AXDND1: variants seen among roughly 807,000 people sequenced by gnomAD.
The protein encoded by AXDND1 is axonemal dynein light chain domain-containing protein 1.
Under a neutral mutation model 137.5 loss-of-function variants are expected in AXDND1, and 110 were observed. The ratio of observed to expected loss-of-function variants is 0.80; its 90% confidence interval spans 0.69 to 0.94. AXDND1 has a LOEUF of 0.94. Ranked by LOEUF, AXDND1 falls within the 40% of genes least tolerant of loss-of-function variation. AXDND1 has a pLI of 0.00. For synonymous variants in AXDND1, 414 were observed against 399.7 expected, an observed-to-expected ratio of 1.04 and a Z score of -0.43; for missense variants, 1,191 against 1,169.8, an observed-to-expected ratio of 1.02 and a Z score of -0.26.
chr1:179,448,824 G>T (rs568067217), intron 16 of AXDND1: 1 of 160,802 alleles, frequency 6.2e-6, no homozygotes, highest in Non-Finnish European at 1.4e-5. Context: ...GAAGATTTAC[G>T]TTTAGTTCTT....
At chr1:179,391,541 A>T (rs1571610813) in intron 9 of AXDND1, among the ~76,000 whole-genome samples, 1 of 113,676 alleles carries the variant, frequency 8.8e-6, no homozygotes, top group African/African-American at 3.3e-5. Context: ...TTACTTATTT[A>T]TTTATTTATT....
At chr1:179,518,461 T>G (rs2125667404) in intron 21 of AXDND1, among the ~76,000 whole-genome samples, 1 of 151,380 alleles carries the variant, frequency 6.6e-6, no homozygotes, top group Non-Finnish European at 1.5e-5. Flanking sequence ...GTCATGGAGG[T>G]TTGTTGTACA....
At chr1:179,467,069 A>G (rs1407153989) in intron 16 of AXDND1, among the ~76,000 whole-genome samples, 1 of 152,196 alleles carries the variant, frequency 6.6e-6, no homozygotes, top group Non-Finnish European at 1.5e-5. Context: ...CCCTGAGTAG[A>G]GTGACTTAAT....
At position 179,483,057 on chromosome 1, in the gene AXDND1, C is replaced by A. The variant is rs1190395564; in HGVS notation, c.1998-71C>A. ...AATACCCAGCCAAATAAAACTCTTT[C>A]TCATAGCTGATAGTTACATTTATCC... On this transcript the variant is annotated intron_variant, in intron 17 of 25. Transcript: ENST00000367618. 7 of 1,035,528 alleles carry A rather than the reference C, an allele frequency of 6.8e-6. No individual in the cohort carries two copies. In the Admixed American group the frequency reaches 7.3e-5, roughly 11 times the overall value. 64.1% of individuals were successfully genotyped at this position (1,035,528 alleles called of 1,614,324 possible).
rs72719299 is a variant in AXDND1 at position 179,469,551 on chromosome 1, G to A, written c.1997+910G>A. Among the ~76,000 whole-genome samples, 481 of 152,234 alleles carry A rather than the reference G, an allele frequency of 3.2e-3. 4 individuals are homozygous for A. Among genetic ancestry groups the A allele is most frequent in the Middle Eastern group, 0.024 (7 of 294 alleles). On this transcript the variant is annotated intron_variant, in intron 17 of 25. Coordinates refer to ENST00000367618, the MANE Select transcript of AXDND1 (RefSeq NM_144696.6). Reference sequence around the variant, plus strand: ...TATCACCTAAGGAGTGGAATTGCTGGATCATATGGCAATTCTATTTTTAAT... The same window carrying A: ...TATCACCTAAGGAGTGGAATTGCTGAATCATATGGCAATTCTATTTTTAAT...
chr1:179,433,900 GA>G (rs1657754141), intron 15 of AXDND1, among the ~76,000 whole-genome samples: 1 of 152,070 alleles, frequency 6.6e-6, no homozygotes, highest in Non-Finnish European at 1.5e-5. Flanking sequence ...GTTCAAGTCC[GA>G]AATATCCTTG....
intron 20 of AXDND1, among the ~76,000 whole-genome samples, chr1:179,504,598 T>C (rs1276735611): frequency 6.6e-6 from 1 of 152,194 alleles, no homozygotes; most frequent in Non-Finnish European, 1.5e-5. Flanking sequence ...AACTTCAGGG[T>C]TCAGGAACTT....
In AXDND1 at chr1:179,488,634, C is replaced by CTTTTCTTTCTTT. The variant is rs376189496; in HGVS notation, c.2092-2904_2092-2903insTTTTCTTTCTTT. Among the ~76,000 whole-genome samples, 80 of 105,246 alleles carry CTTTTCTTTCTTT rather than the reference C, an allele frequency of 7.6e-4. 10 individuals carry two copies. The highest frequency in any genetic ancestry group is 1.1e-3 in the African/African-American group (28 of 25,648). The allele number at this position is 105,246 out of a possible 152,430, so 69.0% of individuals were successfully genotyped here. A position where few individuals can be genotyped will look rare whatever the true frequency, so the allele number is the denominator to read the frequency against. On this transcript the variant is annotated intron_variant, in intron 18 of 25. Transcript: ENST00000367618. Reference sequence around the variant, plus strand: ...TTTCTTTCTTTCTCTCTCTCTCTCTCCTTTCTTTCTTTCTTTCTTTCTTTC... The same window carrying CTTTTCTTTCTTT: ...TTTCTTTCTTTCTCTCTCTCTCTCTCTTTTCTTTCTTTCTTTCTTTCTTTCTTTCTTTCTTTC...
In AXDND1 at chr1:179,369,004, A is replaced by C. The variant is rs780471256; in HGVS notation, c.270+32A>C. The C allele has an allele frequency of 1.0e-5, 16 of 1,534,038 alleles. No homozygotes were observed. The South Asian group carries it at 1.8e-4, about 17-fold the overall frequency. On this transcript the variant is annotated intron_variant, in intron 3 of 25. Coordinates refer to ENST00000367618, the MANE Select transcript of AXDND1 (RefSeq NM_144696.6). ...ATGTACATATGTAGAGTAATGGGGA[A>C]CATTATTTTTTGGGCATCTGATTAT...
At chr1:179,447,962 A>G in intron 16 of AXDND1, 1 of 1,400,844 alleles carries the variant, frequency 7.1e-7, no homozygotes, top group Non-Finnish European at 1.0e-6. Context: ...GCTGCCAAAG[A>G]TGGTGACACC....
chr1:179,494,218 C>T lies in AXDND1; in HGVS notation c.2388+1267C>T, dbSNP rs541479629. Among the ~76,000 whole-genome samples, 31 of 152,158 alleles carry T rather than the reference C, an allele frequency of 2.0e-4. 1 individual carries two copies. The highest frequency in any genetic ancestry group is 3.4e-4 in the Non-Finnish European group (23 of 68,020). ...CCGCCCTCCTCAGCCTCCCAAAGTG[C>T]TGGGATTACAGGTGTGAGCCACTGC... On this transcript the variant is annotated intron_variant, in intron 20 of 25. Transcript: ENST00000367618.
intron 4 of AXDND1, among the ~76,000 whole-genome samples, chr1:179,377,839 C>T (rs1044974868): frequency 6.6e-6 from 1 of 152,014 alleles, no homozygotes; most frequent in East Asian, 1.9e-4. Flanking sequence ...CACAAGTGAT[C>T]GATGATAGAT....
At chr1:179,524,413 A>G (rs894062626) in intron 21 of AXDND1, among the ~76,000 whole-genome samples, 1 of 152,042 alleles carries the variant, frequency 6.6e-6, no homozygotes, top group Non-Finnish European at 1.5e-5. Flanking sequence ...TTTTAGCCCA[A>G]ATTCTTCCAT....
intron 25 of AXDND1, among the ~76,000 whole-genome samples, chr1:179,554,301 T>A (rs1191074253): frequency 6.6e-6 from 1 of 152,256 alleles, no homozygotes. Flanking sequence ...GTCCAAATGT[T>A]ATAGTGATTG....
chr1:179,418,720 A>ACC (rs1364308850), intron 12 of AXDND1, among the ~76,000 whole-genome samples: 1 of 141,786 alleles, frequency 7.1e-6, no homozygotes, highest in African/African-American at 2.7e-5. Flanking sequence ...CGGGGGGCTG[A>ACC]CCCCCACCTC....
chr1:179,418,860 C>G (rs528089999), intron 12 of AXDND1, among the ~76,000 whole-genome samples: 9 of 151,182 alleles, frequency 6.0e-5, no homozygotes, highest in African/African-American at 2.2e-4. Flanking sequence ...ACTTCTCAGA[C>G]GGGGCTGTTG....
At chr1:179,403,230 A>T (rs1228988732) in intron 11 of AXDND1, among the ~76,000 whole-genome samples, 1 of 152,236 alleles carries the variant, frequency 6.6e-6, no homozygotes, top group Non-Finnish European at 1.5e-5. Context: ...GAGAAAATAC[A>T]TTTATAGTAC....
intron 7 of AXDND1, 88 bp downstream of exon 7, chr1:179,382,844 TA>T: frequency 9.4e-7 from 1 of 1,068,954 alleles, no homozygotes; most frequent in South Asian, 1.7e-5. Context: ...ACAAAATTAT[TA>T]AAATTATAGC....
chr1:179,492,846 T>C lies in AXDND1; in HGVS notation c.2292-9T>C. On this transcript the variant is annotated splice_polypyrimidine_tract_variant and intron_variant, in intron 19 of 25. Coordinates refer to ENST00000367618, the MANE Select transcript of AXDND1 (RefSeq NM_144696.6). ...CTTTTTCTTTTTCTTTTTTTCCCCC[T>C]TTTTGCAGTTGTTGCAAAGGGATGG... The C allele has an allele frequency of 6.3e-7, 1 of 1,576,368 alleles. No individual in the cohort carries two copies. The highest frequency in any genetic ancestry group is 1.4e-5 in the African/African-American group (1 of 73,318).
Sources: allele counts gnomAD v4.1 joint callset (sites outside exome capture counted in the v4.1 genomes callset), GRCh38; gene constraint gnomAD v4.1.1; transcripts MANE v1.5; gene names NCBI Gene and HGNC (gene_info 2026-07-23, HGNC 2026-07-21).